The following FUT8 variants were observed in gnomAD, a reference collection of about 807,000 sequenced individuals.
FUT8 encodes the protein fucosyltransferase 8, also known as alpha-(1,6)-fucosyltransferase.
In FUT8, 29 loss-of-function variants were observed where a neutral mutation model predicts 71.3. The ratio of observed to expected loss-of-function variants is 0.41; its 90% CI spans 0.30 to 0.55. The LOEUF (loss-of-function observed/expected upper bound fraction) is 0.55. Ranked by LOEUF, FUT8 falls within the 20% of genes least tolerant of loss-of-function variation. The pLI, the probability that FUT8 is intolerant of heterozygous loss-of-function variation, is 0.34. For missense variants in FUT8, 544 were observed against 702.1 expected (o/e 0.77, Z 2.55); for synonymous variants, 254 against 239.3 (o/e 1.06, Z -0.57).
At chr14:65,733,149 C>A in intron 9 of FUT8, 82 bp from the exon 10 acceptor site, 1 of 793,840 alleles carries the variant, frequency 1.3e-6, no homozygotes, top group Non-Finnish European at 1.9e-6. Flanking sequence ...CTGTGAGAAG[C>A]TCTTAGTCAA....
chr14:65,625,980 T>TCA (rs1421481214), intron 5 of FUT8, among the ~76,000 whole-genome samples: 1 of 152,114 alleles, frequency 6.6e-6, no homozygotes, highest in African/African-American at 2.4e-5. Flanking sequence ...CACAAGCAAA[T>TCA]CACAGTTGTT....
At chr14:65,633,884 C>CGGG (rs1566865373) in intron 6 of FUT8, among the ~76,000 whole-genome samples, 5 of 151,472 alleles carry the variant, frequency 3.3e-5, no homozygotes, top group Non-Finnish European at 7.4e-5. Context: ...CTGCCCTGTC[C>CGGG]AGGAGGGAGG....
At chr14:65,409,146 C>T (rs2065099514), upstream of FUT8, among the ~76,000 whole-genome samples, 1 of 152,076 alleles carries the variant, frequency 6.6e-6, no homozygotes, top group Admixed American at 6.5e-5. This position sits in a 1 kb window ranked among gnomAD's most constrained non-coding sequence, Gnocchi z 5.4. Context: ...TCAAGGTCAC[C>T]CCTTCTTGCT....
intron 2 of FUT8, among the ~76,000 whole-genome samples, chr14:65,558,029 G>A (rs2140030090): frequency 6.6e-6 from 1 of 152,000 alleles, no homozygotes; most frequent in South Asian, 2.1e-4. Context: ...TGGTTAAAAG[G>A]TAAACCATAA....
the FUT8 span, among the ~76,000 whole-genome samples, chr14:65,373,035 A>G: frequency 2.6e-5 from 4 of 151,976 alleles, no homozygotes; most frequent in Admixed American, 2.6e-4. Flanking sequence ...CAGATAAGTA[A>G]TAAATAATTT....
chr14:65,365,416 A>G, the FUT8 span, among the ~76,000 whole-genome samples: 1,415 of 152,086 alleles, frequency 9.3e-3, 19 homozygotes, highest in African/African-American at 0.033. Flanking sequence ...CATGTGAACA[A>G]GAGCAACTCC....
the FUT8 span, among the ~76,000 whole-genome samples, chr14:65,367,573 A>G: frequency 1.3e-5 from 2 of 152,204 alleles, no homozygotes; most frequent in African/African-American, 2.4e-5. Flanking sequence ...AGTAACCCAA[A>G]TAAATTCTGA....
At chr14:65,454,581 T>A (rs182242813) in intron 1 of FUT8, among the ~76,000 whole-genome samples, 387 of 152,354 alleles carry the variant, frequency 2.5e-3, no homozygotes, top group Non-Finnish European at 4.0e-3. Flanking sequence ...TGTAATTGCC[T>A]AAAATTGTTT....
intron 1 of FUT8, among the ~76,000 whole-genome samples, chr14:65,419,446 A>C (rs2139375685): frequency 6.6e-6 from 1 of 152,332 alleles, no homozygotes; most frequent in African/African-American, 2.4e-5. Context: ...TGAGAAGTTC[A>C]CAAGGTGAAA....
chr14:65,733,626 C>T lies in FUT8; in HGVS notation c.1410+245C>T, dbSNP rs184175005. 8.9e-4 allele frequency among the ~76,000 whole-genome samples: 136 copies of T among 152,278 alleles called. 1 individual carries two copies. The highest frequency in any genetic ancestry group is 2.8e-3 in the African/African-American group (118 of 41,576). ...ACTACATCTCCACTGAAGCCAGTTA[C>T]TGGAGTTGTTTAAAGTACTTGGCTT... On this transcript the variant is annotated intron_variant, in intron 10 of 10. Transcript: ENST00000673929.
At chr14:65,478,092 T>C (rs533889423) in intron 2 of FUT8, among the ~76,000 whole-genome samples, 10 of 152,270 alleles carry the variant, frequency 6.6e-5, no homozygotes, top group Middle Eastern at 3.4e-3. Flanking sequence ...TGATTTTTCT[T>C]TGTCTTTCTT....
intron 2 of FUT8, among the ~76,000 whole-genome samples, chr14:65,542,040 C>T (rs778980835): frequency 6.6e-5 from 10 of 152,160 alleles, no homozygotes; most frequent in Non-Finnish European, 1.5e-4. Flanking sequence ...TAATTTTCTT[C>T]ACTGTAAAAT....
intron 5 of FUT8, chr14:65,616,959 A>G: frequency 9.3e-7 from 1 of 1,070,256 alleles, no homozygotes; most frequent in Non-Finnish European, 1.3e-6. Flanking sequence ...TATGAAGTTT[A>G]TCTTCCACAG....
In FUT8 at chr14:65,597,621, TAA is replaced by T. The variant is rs5809284; in HGVS notation, c.204-18344_204-18343del. On this transcript the variant is annotated intron_variant, in intron 3 of 10. Transcript: ENST00000673929. ...CTGGGCGATAGAGCGAGACTCTGTC[TAA>T]AAAAAAAAAAAACATAAATAAAAGA... is the stretch of plus-strand genomic sequence containing the variant. Among the ~76,000 whole-genome samples the T allele has an allele frequency of 5.2e-4, 74 of 143,282 alleles. 1 individual carries two copies. The highest frequency in any genetic ancestry group is 2.2e-3 in the South Asian group (10 of 4,514). 94.0% of individuals were successfully genotyped at this position (143,282 alleles called of 152,430 possible).
chr14:65,717,637 G>A (rs925423333), intron 7 of FUT8, among the ~76,000 whole-genome samples: 7 of 148,144 alleles, frequency 4.7e-5, no homozygotes, highest in African/African-American at 1.5e-4. Flanking sequence ...TCCCAGACGG[G>A]GCAGCCGGGC....
chr14:65,705,658 T>C (rs1484294518), intron 7 of FUT8, among the ~76,000 whole-genome samples: 1 of 152,226 alleles, frequency 6.6e-6, no homozygotes, highest in Non-Finnish European at 1.5e-5. Flanking sequence ...TACAAATCCC[T>C]TGCTGTAATA....
intron 2 of FUT8, among the ~76,000 whole-genome samples, chr14:65,459,880 A>C (rs2065947282): frequency 6.6e-6 from 1 of 152,228 alleles, no homozygotes; most frequent in Non-Finnish European, 1.5e-5. Context: ...AAAGTTAAAG[A>C]ATAATAAAAT....
At chr14:65,730,736 T>C (rs781101183) in intron 9 of FUT8, among the ~76,000 whole-genome samples, 29 of 152,216 alleles carry the variant, frequency 1.9e-4, no homozygotes, top group Non-Finnish European at 3.5e-4. Context: ...GTGGCAGCCA[T>C]TGCTATTGTG....
chr14:65,471,960 T>C (rs1480805353), intron 2 of FUT8, among the ~76,000 whole-genome samples: 1 of 152,208 alleles, frequency 6.6e-6, no homozygotes, highest in Non-Finnish European at 1.5e-5. Context: ...TTGGGGATAA[T>C]ATATTCTAAT....
Sources: gnomAD v4.1 joint callset for allele counts (sites outside exome capture counted in the v4.1 genomes callset) on GRCh38, gnomAD v4.1.1 for gene constraint, Gnocchi (gnomAD v3.1) non-coding constraint, MANE v1.5 for transcripts, NCBI Gene and HGNC (gene_info 2026-07-23, HGNC 2026-07-21) for gene names.